The following SAXO2 variants were observed in gnomAD, a reference collection of about 807,000 sequenced individuals.
The protein encoded by SAXO2 is stabilizer of axonemal microtubules 2.
SAXO2 carries 17 observed loss-of-function variants against 18.7 expected under a neutral mutation model. The ratio of observed to expected loss-of-function variants is 0.91; its 90% confidence interval spans 0.62 to 1.36. The LOEUF (loss-of-function observed/expected upper bound fraction) is 1.36, where lower values mean the gene tolerates loss of function less well. Ranked by LOEUF, SAXO2 falls within the 40% of genes most tolerant of loss-of-function variation. SAXO2 has a pLI of 0.00. For synonymous variants in SAXO2, 163 were observed against 181.2 expected (o/e 0.90, Z 0.81); for missense variants, 486 against 562.6 (o/e 0.86, Z 1.38).
At chr15:82,263,296 G>A (rs2075159474) in intron 1 of SAXO2, 1 of 1,284,476 alleles carries the variant, frequency 7.8e-7, no homozygotes, top group Non-Finnish European at 1.1e-6. Flanking sequence ...CCACGAAGAT[G>A]AGAAAGAACA....
intron 3 of SAXO2, among the ~76,000 whole-genome samples, chr15:82,274,754 C>T (rs1392508148): frequency 6.7e-6 from 1 of 149,512 alleles, no homozygotes; most frequent in Non-Finnish European, 1.5e-5. Context: ...ACACAACATA[C>T]CAAAACTTCT....
chr15:82,272,903 C>T (rs1324885614), intron 3 of SAXO2, among the ~76,000 whole-genome samples: 1 of 150,656 alleles, frequency 6.6e-6, no homozygotes, highest in East Asian at 2.0e-4. Flanking sequence ...GTTTTTTAAA[C>T]ACAGGCTGTT....
intron 1 of SAXO2, 128 bp downstream of exon 1, chr15:82,263,060 C>A: frequency 6.6e-7 from 1 of 1,524,688 alleles, no homozygotes; most frequent in Non-Finnish European, 8.8e-7. Context: ...GAGGGCGCAG[C>A]GACATCCCCA....
At position 82,282,373 on chromosome 15, in the gene SAXO2, G is replaced by A. The variant is rs752474000; in HGVS notation, c.688G>A (p.Val230Ile). ...LELKFERPKE[V>I]YKPTDQRFED... The stretch of plus-strand genomic sequence containing the variant: ...ACTCAAGTTTGAAAGGCCAAAAGAA[G>A]TTTACAAACCAACTGACCAACGCTT... The change falls in exon 4 of 4, where the codon GTT becomes ATT. Residue 230 changes from valine to isoleucine, a missense_variant. Val to Ile is a conservative substitution (Grantham distance 29). Transcript: ENST00000682753. The A allele has an allele frequency of 5.6e-6, 9 of 1,614,050 alleles. No individual in the cohort carries two copies. In the East Asian group the frequency reaches 6.7e-5, roughly 12 times the overall value.
At chr15:82,275,287 A>C (rs998815064) in intron 3 of SAXO2, among the ~76,000 whole-genome samples, 15 of 147,776 alleles carry the variant, frequency 1.0e-4, no homozygotes, top group African/African-American at 3.4e-4. Context: ...CAACCAAAAA[A>C]AAAAAAAAAA....
chr15:82,269,770 A>T (rs1428061783), intron 2 of SAXO2, among the ~76,000 whole-genome samples: 1 of 152,180 alleles, frequency 6.6e-6, no homozygotes, highest in Non-Finnish European at 1.5e-5. Context: ...AAGTGATTCA[A>T]ATGAGCTGTT....
intron 3 of SAXO2, 103 bp downstream of exon 3, chr15:82,271,905 C>T: frequency 1.0e-6 from 1 of 955,052 alleles, no homozygotes; most frequent in South Asian, 1.7e-5. Context: ...CCAAACTTAG[C>T]CTCCATGGCT....
chr15:82,267,625 C>T (rs757111444), intron 2 of SAXO2, among the ~76,000 whole-genome samples: 2 of 152,202 alleles, frequency 1.3e-5, no homozygotes, highest in Non-Finnish European at 2.9e-5. Flanking sequence ...ATTTTCATTT[C>T]AGATGCAGCT....
chr15:82,283,020 T>A lies in SAXO2; in HGVS notation c.1335T>A (p.His445Gln). The part of the protein sequence containing the change: ...YIFDNTNSQG[H>Q]KFFRKIIPAV... ...TCGACAATACAAATTCCCAAGGTCA[T>A]AAATTCTTCCGCAAGATTATTCCTG... is the stretch of plus-strand genomic sequence containing the variant. Residue 445 changes from histidine to glutamine, a missense_variant, in exon 4 of 4, where the codon CAT becomes CAA. By Grantham distance (24) the His-to-Gln change is conservative (BLOSUM62 0). Coordinates refer to ENST00000682753, the MANE Select transcript of SAXO2 (RefSeq NM_001348699.2). The A allele has an allele frequency of 6.2e-7, 1 of 1,613,556 alleles. No individual in the cohort carries two copies. The highest frequency in any genetic ancestry group is 8.5e-7 in the Non-Finnish European group (1 of 1,179,862).
At chr15:82,273,703 G>A (rs2075291627) in intron 3 of SAXO2, among the ~76,000 whole-genome samples, 1 of 151,932 alleles carries the variant, frequency 6.6e-6, no homozygotes, top group South Asian at 2.1e-4. Context: ...TGCCAAATTT[G>A]GCATAAATAA....
intron 2 of SAXO2, among the ~76,000 whole-genome samples, chr15:82,266,159 C>A (rs2075216260): frequency 6.6e-6 from 1 of 151,338 alleles, no homozygotes; most frequent in African/African-American, 2.4e-5. Flanking sequence ...AAAAAAATCA[C>A]AAAAAAATCT....
At chr15:82,281,522 C>T (rs1297770670) in intron 3 of SAXO2, among the ~76,000 whole-genome samples, 2 of 152,014 alleles carry the variant, frequency 1.3e-5, no homozygotes, top group African/African-American at 4.8e-5. Context: ...AAGTTGAAGC[C>T]AGTGATCTTT....
At chr15:82,273,692 G>A (rs1355683229) in intron 3 of SAXO2, among the ~76,000 whole-genome samples, 9 of 152,014 alleles carry the variant, frequency 5.9e-5, no homozygotes, top group Admixed American at 6.5e-5. Context: ...AAAATGTACT[G>A]TGCCAAATTT....
chr15:82,275,305 A>AAAAAAAC (rs2075305520), intron 3 of SAXO2, among the ~76,000 whole-genome samples: 1 of 150,402 alleles, frequency 6.6e-6, no homozygotes, highest in African/African-American at 2.4e-5. Flanking sequence ...AAAAAAAAAA[A>AAAAAAAC]ATGCCCCAGA....
chr15:82,266,022 C>G (rs746915969), intron 2 of SAXO2, among the ~76,000 whole-genome samples: 3 of 151,862 alleles, frequency 2.0e-5, no homozygotes, highest in Non-Finnish European at 4.4e-5. Flanking sequence ...TTTCCACTGT[C>G]ACCACCACCT....
rs900996314 is a variant in SAXO2, at chr15:82,271,863, A to G, written c.433+61A>G. 4.4e-6 allele frequency: 6 copies of G among 1,379,040 alleles called. No individual in the cohort carries two copies. In the South Asian group the frequency reaches 6.3e-5, roughly 15 times the overall value. 85.4% of individuals were successfully genotyped at this position (1,379,040 alleles called of 1,614,324 possible). ...ACTAAAACTCACTTCCAGCTTTAAC[A>G]TCTAATATCAAATTATAACTTTGGT... On this transcript the variant is annotated intron_variant, in intron 3 of 3. Transcript: ENST00000682753.
At chr15:82,276,562 AAC>A (rs1437454950) in intron 3 of SAXO2, among the ~76,000 whole-genome samples, 1 of 152,164 alleles carries the variant, frequency 6.6e-6, no homozygotes, top group Non-Finnish European at 1.5e-5. Flanking sequence ...AGACACCTAG[AAC>A]CACCTGATTG....
chr15:82,262,962 C>T lies in SAXO2; in HGVS notation c.53+30C>T, dbSNP rs775664341. On this transcript the variant is annotated intron_variant, in intron 1 of 3. Transcript: ENST00000682753. ...GAAACGGCTGGTGTAGCGGCGGGCC[C>T]GGGCTTGGGAGCCGACCTAGGGCCT... 5 of 1,583,264 alleles carry T rather than the reference C, an allele frequency of 3.2e-6. No homozygotes were observed. The Admixed American group carries it at 7.2e-5, about 23-fold the overall frequency.
rs553605406 is a variant in SAXO2, at chr15:82,271,675, G to C, written c.306G>C (p.Gly102=). Reference sequence around the variant, plus strand: ...CAGAAGAATATAAACCAAAACAAGGGAAGATTGATCTTGGTACTACCTACA... The same window carrying C: ...CAGAAGAATATAAACCAAAACAAGGCAAGATTGATCTTGGTACTACCTACA... ...HVPEEYKPKQ[G]KIDLGTTYKR... is the part of the protein sequence containing the mutation. The change falls in exon 3 of 4, where the codon GGG becomes GGC. Residue 102 remains glycine (G), a synonymous_variant. Transcript: ENST00000682753. 6.2e-7 allele frequency: 1 copy of C among 1,613,956 alleles called. No individual in the cohort carries two copies. Among genetic ancestry groups the C allele is most frequent in the East Asian group, 2.2e-5 (1 of 44,868 alleles).
Sources: allele counts gnomAD v4.1 joint callset (sites outside exome capture counted in the v4.1 genomes callset), GRCh38; gene constraint gnomAD v4.1.1; transcripts MANE v1.5; gene names NCBI Gene and HGNC (gene_info 2026-07-23, HGNC 2026-07-21).